The following DNAH7 variants were observed in gnomAD, a reference collection of about 807,000 sequenced individuals.
The protein encoded by DNAH7 is axonemal beta dynein heavy chain 7.
In DNAH7, 397 loss-of-function variants were observed where a neutral mutation model predicts 444.6. The observed-to-expected ratio is 0.89, with a 90% CI of 0.82 to 0.97. The LOEUF is 0.97. Ranked by LOEUF, DNAH7 falls within the 50% of genes least tolerant of loss-of-function variation. The pLI, the probability that DNAH7 is intolerant of heterozygous loss-of-function variation, is 0.00. For synonymous variants in DNAH7, 1,636 were observed against 1,624.4 expected, an observed-to-expected ratio of 1.01 and a Z score of -0.17; for missense variants, 4,902 against 4,800.8, an observed-to-expected ratio of 1.02 and a Z score of -0.62.
At chr2:196,036,486 CAGG>C (rs376975765) in intron 5 of DNAH7, among the ~76,000 whole-genome samples, 1 of 152,166 alleles carries the variant, frequency 6.6e-6, no homozygotes, top group African/African-American at 2.4e-5. Flanking sequence ...CCAGCATATC[CAGG>C]AGTCTTCCCC....
chr2:195,975,494 G>A (rs1413589540), intron 15 of DNAH7, among the ~76,000 whole-genome samples: 1 of 152,190 alleles, frequency 6.6e-6, no homozygotes, highest in Non-Finnish European at 1.5e-5. Flanking sequence ...AGGCAGTCTA[G>A]GCCACAAGAA....
At chr2:195,972,108 T>C (rs1691884688) in intron 16 of DNAH7, 134 bp downstream of exon 16, 1 of 693,284 alleles carries the variant, frequency 1.4e-6, no homozygotes. Context: ...CTAATATTTA[T>C]AGTGAGATTA....
chr2:195,897,628 A>AT (rs776282467), intron 29 of DNAH7, 39 bp downstream of exon 29: 1 of 1,166,922 alleles, frequency 8.6e-7, no homozygotes, highest in East Asian at 2.3e-5. Flanking sequence ...ATACATTATT[A>AT]TAAGAGTTTT....
At chr2:195,949,908 T>C (rs1370351572) in intron 19 of DNAH7, among the ~76,000 whole-genome samples, 1 of 152,232 alleles carries the variant, frequency 6.6e-6, no homozygotes, top group Admixed American at 6.5e-5. Flanking sequence ...TTACGTTTAC[T>C]GATTTGTATA....
intron 10 of DNAH7, among the ~76,000 whole-genome samples, chr2:196,010,301 C>A (rs1294340380): frequency 6.6e-6 from 1 of 152,050 alleles, no homozygotes; most frequent in Non-Finnish European, 1.5e-5. Context: ...AGGTGTGCGC[C>A]ACCACACCCT....
intron 12 of DNAH7, chr2:195,999,065 C>G (rs1425328141): frequency 1.4e-6 from 1 of 715,174 alleles, no homozygotes; most frequent in Non-Finnish European, 2.6e-6. Context: ...GGAAACAAAG[C>G]CTCAAGGTCG....
rs187482199 is a variant in DNAH7 at position 195,800,216 on chromosome 2, G to A, written c.10177-744C>T. On this transcript the variant is annotated intron_variant, in intron 54 of 64. Coordinates refer to ENST00000312428, the MANE Select transcript of DNAH7 (RefSeq NM_018897.3). ...CCATTAGGCCTCTCCTCCCAACACC[G>A]CCACATTTGGGACTAAATTTCAAGG... 7.9e-5 allele frequency among the ~76,000 whole-genome samples: 12 copies of A among 152,158 alleles called. 1 individual carries two copies. Among genetic ancestry groups the A allele is most frequent in the African/African-American group, 2.7e-4 (11 of 41,492 alleles).
At chr2:195,775,777 TGCTGGCACACGTGCCTGG>T (rs1458704156) in intron 60 of DNAH7, 51 bp downstream of exon 60, 1 of 1,536,590 alleles carries the variant, frequency 6.5e-7, no homozygotes, top group Non-Finnish European at 8.8e-7. Context: ...GCCTGTTCAG[TGCTGGCACACGTGCCTGG>T]GGAGCATCCT....
chr2:195,822,343 A>C (rs1664583577), intron 49 of DNAH7, among the ~76,000 whole-genome samples: 1 of 152,194 alleles, frequency 6.6e-6, no homozygotes, highest in African/African-American at 2.4e-5. Context: ...TATTCCATTA[A>C]TGTTGGGTCC....
rs565478879 is a variant in DNAH7, at chr2:195,806,670, G to A, written c.10176+70C>T. 2.3e-3 allele frequency: 3,007 copies of A among 1,311,108 alleles called. 3 individuals are homozygous for A. Among genetic ancestry groups the A allele is most frequent in the Non-Finnish European group, 3.0e-3 (2,757 of 932,560 alleles). The allele number at this position is 1,311,108 out of a possible 1,614,324, so 81.2% of individuals were successfully genotyped here. On this transcript the variant is annotated intron_variant, in intron 54 of 64. Transcript: ENST00000312428. ...CTCCCCCATGATTACATAAGGAAAC[G>A]CACATTTGGATGGACTGAGCAGGCA...
intron 12 of DNAH7, chr2:195,994,611 G>C (rs1289741656): frequency 4.1e-6 from 2 of 492,604 alleles, no homozygotes; most frequent in South Asian, 1.7e-5. Flanking sequence ...AACCTCAATT[G>C]GTCCTTGGGT....
chr2:196,067,205 A>G (rs1451899787), intron 1 of DNAH7, among the ~76,000 whole-genome samples: 1 of 152,206 alleles, frequency 6.6e-6, no homozygotes, highest in Admixed American at 6.5e-5. Context: ...AGTTAGGGGA[A>G]TTGTGAAAAA....
At chr2:195,958,305 T>C (rs1574882721) in intron 18 of DNAH7, among the ~76,000 whole-genome samples, 1 of 152,172 alleles carries the variant, frequency 6.6e-6, no homozygotes, top group Non-Finnish European at 1.5e-5. Flanking sequence ...ACTTAATGAA[T>C]AGTAAATATA....
intron 10 of DNAH7, among the ~76,000 whole-genome samples, chr2:196,010,604 C>T (rs1694670293): frequency 6.6e-6 from 1 of 152,144 alleles, no homozygotes; most frequent in Non-Finnish European, 1.5e-5. Context: ...ATCAATATAT[C>T]AAAGAGATAG....
Position 195,876,532 on chromosome 2 carries a change from A to T in DNAH7, c.6117+12T>A. 6.2e-7 allele frequency: 1 copy of T among 1,613,098 alleles called. No homozygotes were observed. On this transcript the variant is annotated intron_variant, in intron 37 of 64. Transcript: ENST00000312428. Reference sequence around the variant, plus strand: ...TATGAATAGGCCCGGGTACTGTACAAAGAGTCATTACCATTCTCTTGCCCA... The same window carrying T: ...TATGAATAGGCCCGGGTACTGTACATAGAGTCATTACCATTCTCTTGCCCA...
Position 195,960,544 on chromosome 2 carries a change from A to G in DNAH7, c.2607T>C (p.Asp869=). 1 of 1,614,232 alleles carries G rather than the reference A, an allele frequency of 6.2e-7. No individual in the cohort carries two copies. ...AIVGYPLQPS[D]DSTVSSFLDM... Reference sequence around the variant, plus strand: ...CTAAAAAAGAGGAGACTGTGGAGTCATCTGATGGCTGCAAAGGGTAACCAA... The same window carrying G: ...CTAAAAAAGAGGAGACTGTGGAGTCGTCTGATGGCTGCAAAGGGTAACCAA... Residue 869 remains aspartate (D), a synonymous_variant, in exon 18 of 65, where the codon GAT becomes GAC. Transcript: ENST00000312428.
At chr2:195,866,768 T>C (rs886918462) in intron 40 of DNAH7, among the ~76,000 whole-genome samples, 9 of 152,230 alleles carry the variant, frequency 5.9e-5, no homozygotes, top group African/African-American at 2.2e-4. Context: ...TTTCCTTATT[T>C]AAGGTACAGA....
At chr2:195,751,823 A>G (rs559708576) in intron 63 of DNAH7, among the ~76,000 whole-genome samples, 8 of 152,336 alleles carry the variant, frequency 5.3e-5, no homozygotes, top group Admixed American at 2.0e-4. Context: ...GAAAAAACTT[A>G]TTTAGTTGCC....
chr2:196,014,024 G>A (rs1397471417), intron 9 of DNAH7, among the ~76,000 whole-genome samples: 2 of 152,152 alleles, frequency 1.3e-5, no homozygotes, highest in Non-Finnish European at 2.9e-5. Flanking sequence ...TCGAGGCATA[G>A]AATACCATCT....
Sources: allele counts gnomAD v4.1 joint callset (sites outside exome capture counted in the v4.1 genomes callset), GRCh38; gene constraint gnomAD v4.1.1; transcripts MANE v1.5; gene names NCBI Gene and HGNC (gene_info 2026-07-23, HGNC 2026-07-21).